CTIF: variants seen among roughly 807,000 people sequenced by gnomAD.
CTIF encodes cap binding complex dependent translation initiation factor, also known as CBP80/20-dependent translation initiation factor.
Under a neutral mutation model 66.0 loss-of-function variants are expected in CTIF, and 21 were observed. The ratio of observed to expected loss-of-function variants is 0.32; its 90% CI spans 0.23 to 0.46. The LOEUF is 0.46. CTIF is among the 20% of genes least tolerant of loss of function. The pLI, the probability that CTIF is intolerant of heterozygous loss-of-function variation, is 1.00. For synonymous variants in CTIF, 345 were observed against 326.4 expected, an observed-to-expected ratio of 1.06 and a Z score of -0.62; for missense variants, 739 against 812.7, an observed-to-expected ratio of 0.91 and a Z score of 1.10.
intron 3 of CTIF, among the ~76,000 whole-genome samples, chr18:48,653,955 C>G (rs2091201908): frequency 6.6e-6 from 1 of 152,166 alleles, no homozygotes; most frequent in Non-Finnish European, 1.5e-5. Flanking sequence ...CCCTTCCTTA[C>G]ACCTTATACA....
intron 3 of CTIF, among the ~76,000 whole-genome samples, chr18:48,659,212 T>C (rs958452853): frequency 6.6e-6 from 1 of 151,938 alleles, no homozygotes; most frequent in African/African-American, 2.4e-5. Context: ...TCAAGTAGAG[T>C]GGCAATAAGG....
At chr18:48,560,589 G>A (rs1049127285) in intron 1 of CTIF, among the ~76,000 whole-genome samples, 1 of 151,874 alleles carries the variant, frequency 6.6e-6, no homozygotes, top group Non-Finnish European at 1.5e-5. Context: ...CTTTTTCTTT[G>A]AGACAGAATC....
chr18:48,819,578 G>A (rs774252278), intron 10 of CTIF, among the ~76,000 whole-genome samples: 15 of 152,178 alleles, frequency 9.9e-5, no homozygotes, highest in Non-Finnish European at 2.1e-4. Flanking sequence ...TGTGAGATCC[G>A]GAGGTGCCAG....
intron 7 of CTIF, among the ~76,000 whole-genome samples, chr18:48,736,138 G>A (rs2145707389): frequency 6.6e-6 from 1 of 152,298 alleles, no homozygotes; most frequent in African/African-American, 2.4e-5. Flanking sequence ...TTTCTTCCAA[G>A]ATACACTGAG....
intron 6 of CTIF, among the ~76,000 whole-genome samples, chr18:48,708,919 C>T (rs1365601266): frequency 6.6e-6 from 1 of 152,152 alleles, no homozygotes; most frequent in Non-Finnish European, 1.5e-5. Flanking sequence ...CCTGTGCTGC[C>T]TTGTTTGTCC....
At position 48,701,340 on chromosome 18, in the gene CTIF, G is replaced by A. The variant is rs976908958; in HGVS notation, c.508-10279G>A. On this transcript the variant is annotated intron_variant, in intron 6 of 11. Transcript: ENST00000256413. ...AATAGATATCCATTATCCAGGGAAT[G>A]GAGCATGTCAGTCCACTCCAGTTCC... Among the ~76,000 whole-genome samples, 5 of 152,294 alleles carry A rather than the reference G, an allele frequency of 3.3e-5. 1 individual carries two copies. In the Middle Eastern group the frequency reaches 0.01, roughly 311 times the overall value.
intron 2 of CTIF, among the ~76,000 whole-genome samples, chr18:48,629,793 A>G (rs901711113): frequency 6.6e-6 from 1 of 152,146 alleles, no homozygotes; most frequent in African/African-American, 2.4e-5. Context: ...GAGTTACTTA[A>G]CCACACTGTG....
intron 4 of CTIF, among the ~76,000 whole-genome samples, 198 bp from the exon 5 acceptor site, chr18:48,664,249 G>A (rs1310352838): frequency 6.6e-6 from 1 of 152,200 alleles, no homozygotes; most frequent in Non-Finnish European, 1.5e-5. Context: ...TGTTTCATAA[G>A]CATGCACTTT....
At chr18:48,623,227 A>T (rs1311514517) in intron 2 of CTIF, among the ~76,000 whole-genome samples, 1 of 152,174 alleles carries the variant, frequency 6.6e-6, no homozygotes, top group African/African-American at 2.4e-5. Flanking sequence ...TGACATTTGG[A>T]TGCATTCTCT....
chr18:48,838,118 A>G (rs954873422), intron 10 of CTIF, among the ~76,000 whole-genome samples: 2 of 152,134 alleles, frequency 1.3e-5, no homozygotes, highest in Admixed American at 6.5e-5. Context: ...AGTGTCCCTA[A>G]AGTAGGAAGA....
chr18:48,797,672 C>A (rs984119403), intron 9 of CTIF, among the ~76,000 whole-genome samples: 7 of 152,102 alleles, frequency 4.6e-5, no homozygotes, highest in Non-Finnish European at 8.8e-5. Context: ...GGGGGATGCT[C>A]TGAGGCAGAA....
intron 2 of CTIF, among the ~76,000 whole-genome samples, chr18:48,623,436 C>T (rs1373983847): frequency 6.6e-6 from 1 of 152,102 alleles, no homozygotes; most frequent in Admixed American, 6.5e-5. Context: ...GTGGCCCACT[C>T]TCAGGAAGGC....
At chr18:48,834,058 C>G (rs1337991624) in intron 10 of CTIF, among the ~76,000 whole-genome samples, 1 of 150,232 alleles carries the variant, frequency 6.7e-6, no homozygotes, top group East Asian at 2.0e-4. Context: ...CTCCCGTTCT[C>G]TTCCTTTCCC....
At chr18:48,776,331 G>C (rs1203146788) in intron 9 of CTIF, among the ~76,000 whole-genome samples, 2 of 152,188 alleles carry the variant, frequency 1.3e-5, no homozygotes, top group African/African-American at 4.8e-5. Context: ...GCCCAACCAG[G>C]CACAGAGGTG....
At chr18:48,743,648 T>A (rs1326887340) in intron 7 of CTIF, among the ~76,000 whole-genome samples, 1 of 152,210 alleles carries the variant, frequency 6.6e-6, no homozygotes, top group African/African-American at 2.4e-5. Context: ...AAGGCTAAAT[T>A]TTGCCTGTAT....
intron 6 of CTIF, among the ~76,000 whole-genome samples, chr18:48,709,393 A>G (rs2092198190): frequency 6.6e-6 from 1 of 152,252 alleles, no homozygotes; most frequent in African/African-American, 2.4e-5. Context: ...GTCTTGGGAC[A>G]GGGTTAGCTC....
At chr18:48,678,386 C>T (rs2091675258) in intron 6 of CTIF, among the ~76,000 whole-genome samples, 4 of 152,132 alleles carry the variant, frequency 2.6e-5, no homozygotes, top group African/African-American at 4.8e-5. Flanking sequence ...GTCTTACAAA[C>T]GAGAGCCCCT....
chr18:48,705,734 C>A (rs9967535), intron 6 of CTIF, among the ~76,000 whole-genome samples: 11 of 152,238 alleles, frequency 7.2e-5, no homozygotes, highest in African/African-American at 2.4e-4. Context: ...CTGCTGCCAT[C>A]GGCCTGCCGG....
chr18:48,838,725 G>A (rs994981678), intron 10 of CTIF, among the ~76,000 whole-genome samples: 1 of 152,192 alleles, frequency 6.6e-6, no homozygotes, highest in African/African-American at 2.4e-5. Flanking sequence ...TTATTTGGTG[G>A]CCCCTTAACC....
Sources: allele counts gnomAD v4.1 joint callset (sites outside exome capture counted in the v4.1 genomes callset), GRCh38; gene constraint gnomAD v4.1.1; transcripts MANE v1.5; gene names NCBI Gene and HGNC (gene_info 2026-07-23, HGNC 2026-07-21).